Variants in THAP10 observed in about 807,000 individuals in gnomAD.
THAP10 encodes the protein THAP domain containing 10, also known as THAP domain-containing protein 10.
Under a neutral mutation model 15.7 loss-of-function variants are expected in THAP10, and 10 were observed. The ratio of observed to expected loss-of-function variants is 0.64; its 90% CI spans 0.39 to 1.08. The LOEUF (loss-of-function observed/expected upper bound fraction) is 1.08, where lower values mean the gene tolerates loss of function less well. Ranked by LOEUF, THAP10 falls within the 50% of genes least tolerant of loss-of-function variation. The probability of loss-of-function intolerance (pLI) is 0.01; values close to 1 mark genes in which losing one functional copy is unlikely to be tolerated. For missense variants in THAP10, 310 were observed against 330.9 expected, an observed-to-expected ratio of 0.94 and a Z score of 0.49; for synonymous variants, 127 against 129.1, an observed-to-expected ratio of 0.98 and a Z score of 0.11.
intron 1 of THAP10, among the ~76,000 whole-genome samples, chr15:70,886,712 A>G (rs2033416917): frequency 6.6e-6 from 1 of 152,126 alleles, no homozygotes; most frequent in South Asian, 2.1e-4. Flanking sequence ...CTAAAAATAC[A>G]AAAATTAGCT....
In THAP10 at chr15:70,882,491, G is replaced by T. The variant is rs2033287939; in HGVS notation, c.737C>A (p.Ser246Tyr). The change falls in exon 3 of 3, where the codon TCT (serine) becomes TAT (tyrosine). Residue 246 changes from serine to tyrosine, a missense_variant. Ser to Tyr is a moderately radical substitution (Grantham distance 144). Transcript: ENST00000249861. ...WDIKSEQSDL[S>Y]YMAVQVKEET... ...TTCTTTCACCTGTACAGCCATATAAGACAAATCACTCTGTTCACTCTTGAT... is the reference window on the plus strand; with the variant it reads ...TTCTTTCACCTGTACAGCCATATAATACAAATCACTCTGTTCACTCTTGAT... 1 of 1,613,568 alleles carries T rather than the reference G, an allele frequency of 6.2e-7. No individual in the cohort carries two copies. The highest frequency in any genetic ancestry group is 1.3e-5 in the African/African-American group (1 of 75,026).
At chr15:70,889,245 T>C (rs2033489090) in intron 1 of THAP10, among the ~76,000 whole-genome samples, 1 of 152,120 alleles carries the variant, frequency 6.6e-6, no homozygotes, top group African/African-American at 2.4e-5. Context: ...TACATAATAA[T>C]GAAAATGAAC....
rs1567034632 is a variant in THAP10, at chr15:70,882,560, A to AAG, written c.666_667dup (p.Phe223SerfsTer31). ...TTCTGAATCACTGGAGTAAATGTCA[A>AAG]AGAGAGAGGAAGTTCTAGACCACAA... On this transcript the variant is annotated frameshift_variant, in exon 3 of 3. Transcript: ENST00000249861. LOFTEE classifies it high-confidence loss of function. 6.2e-7 allele frequency: 1 copy of AAG among 1,613,926 alleles called. No individual in the cohort carries two copies. The highest frequency in any genetic ancestry group is 8.5e-7 in the Non-Finnish European group (1 of 1,179,840).
Position 70,882,508 on chromosome 15 carries a change from A to T in THAP10, c.720T>A (p.Ser240Arg), listed in dbSNP as rs1408508045. The T allele has an allele frequency of 6.2e-7, 1 of 1,613,770 alleles. No homozygotes were observed. Among genetic ancestry groups the T allele is most frequent in the South Asian group, 1.1e-5 (1 of 91,052 alleles). The change falls in exon 3 of 3, where the codon AGT becomes AGA. Residue 240 changes from serine to arginine, a missense_variant. Physicochemically the swap from Ser to Arg is moderately radical, Grantham distance 110. Transcript: ENST00000249861. Reference protein sequence around the residue: ...SETDTDWDIKSEQSDLSYMAV... With the variant: ...SETDTDWDIKREQSDLSYMAV... ...CCATATAAGACAAATCACTCTGTTCACTCTTGATATCCCAGTCTGTATCTG... is the reference window on the plus strand; with the variant it reads ...CCATATAAGACAAATCACTCTGTTCTCTCTTGATATCCCAGTCTGTATCTG...
At position 70,892,206 on chromosome 15, in the gene THAP10, A is replaced by G. The variant is rs2033609036; in HGVS notation, c.67T>C (p.Phe23Leu). Residue 23 changes from phenylalanine to leucine, a missense_variant, in exon 1 of 3, where the codon TTT (phenylalanine) becomes CTT (leucine). Transcript: ENST00000249861. ...AGCCGCACGGCCCGGTCCTTGGGAA[A>G]GCGGAACAGCGACTTCCCAGACTTG... ...TTKSGKSLFR[F>L]PKDRAVRLLW... The G allele has an allele frequency of 1.9e-6, 3 of 1,602,870 alleles. No homozygotes were observed. The highest frequency in any genetic ancestry group is 2.6e-6 in the Non-Finnish European group (3 of 1,174,526).
chr15:70,886,822 C>T (rs767997076), intron 1 of THAP10, among the ~76,000 whole-genome samples: 18 of 151,782 alleles, frequency 1.2e-4, no homozygotes, highest in African/African-American at 1.7e-4. Flanking sequence ...GCTGAGATTG[C>T]GCCACTGCAC....
intron 1 of THAP10, among the ~76,000 whole-genome samples, chr15:70,886,159 A>C (rs910944726): frequency 5.3e-5 from 8 of 152,212 alleles, no homozygotes; most frequent in Non-Finnish European, 1.2e-4. Flanking sequence ...TAAAACTTGT[A>C]AGATTCAGTA....
chr15:70,888,780 C>A (rs1361136051), intron 1 of THAP10, among the ~76,000 whole-genome samples: 2 of 152,076 alleles, frequency 1.3e-5, no homozygotes, highest in African/African-American at 4.8e-5. Flanking sequence ...GACAATCCAA[C>A]AGAAAAATGG....
In THAP10 at chr15:70,882,802, C is replaced by G; in HGVS notation, c.536G>C (p.Ser179Thr). 6.2e-7 allele frequency: 1 copy of G among 1,614,110 alleles called. No homozygotes were observed. The highest frequency in any genetic ancestry group is 8.5e-7 in the Non-Finnish European group (1 of 1,180,014). ...THCEEGPVHK[S>T]TQISLKRPRH... is the part of the protein sequence containing the mutation. ...GGGCCTTTTCAAAGAAATTTGTGTA[C>G]TTTTATGCACTGGGCCTTCTTCACA... The change falls in exon 2 of 3, where the codon AGT becomes ACT. Residue 179 changes from serine (S) to threonine (T), a missense_variant. Transcript: ENST00000249861.
Position 70,888,814 on chromosome 15 carries a change from C to A in THAP10, c.429+3030G>T, listed in dbSNP as rs565972958. ...GGGCTAGATTTAAAAGGGCATGTCA[C>A]TGAAGGCTACCTAAATATCCAATTA... On this transcript the variant is annotated intron_variant, in intron 1 of 2. Coordinates refer to ENST00000249861, the MANE Select transcript of THAP10 (RefSeq NM_020147.4). 5.3e-5 allele frequency among the ~76,000 whole-genome samples: 8 copies of A among 152,266 alleles called. No individual in the cohort carries two copies. In the South Asian group the frequency reaches 1.7e-3, roughly 32 times the overall value.
At position 70,882,801 on chromosome 15, in the gene THAP10, A is replaced by C. The variant is rs373711314; in HGVS notation, c.537T>G (p.Ser179Arg). 77 of 1,614,074 alleles carry C rather than the reference A, an allele frequency of 4.8e-5. No homozygotes were observed. The highest frequency in any genetic ancestry group is 6.4e-5 in the Non-Finnish European group (75 of 1,180,032). Residue 179 changes from serine (S) to arginine (R), a missense_variant, in exon 2 of 3, where the codon AGT becomes AGG. Coordinates refer to ENST00000249861, the MANE Select transcript of THAP10 (RefSeq NM_020147.4). ...THCEEGPVHK[S>R]TQISLKRPRH... Reference sequence around the variant, plus strand: ...GGGGCCTTTTCAAAGAAATTTGTGTACTTTTATGCACTGGGCCTTCTTCAC... The same window carrying C: ...GGGGCCTTTTCAAAGAAATTTGTGTCCTTTTATGCACTGGGCCTTCTTCAC...
chr15:70,883,406 C>T (rs2033319040), intron 1 of THAP10, among the ~76,000 whole-genome samples: 1 of 152,084 alleles, frequency 6.6e-6, no homozygotes, highest in African/African-American at 2.4e-5. Context: ...GTTAGCCAGG[C>T]TGGTCTCGAA....
Position 70,892,210 on chromosome 15 carries a change from G to C in THAP10, c.63C>G (p.Phe21Leu), listed in dbSNP as rs1174328890. 4 of 1,602,242 alleles carry C rather than the reference G, an allele frequency of 2.5e-6. No homozygotes were observed. In the Admixed American group the frequency reaches 6.8e-5, roughly 27 times the overall value. ...GCACGGCCCGGTCCTTGGGAAAGCG[G>C]AACAGCGACTTCCCAGACTTGGTGG... is the stretch of plus-strand genomic sequence containing the variant. The part of the protein sequence containing the change: ...GNTTKSGKSL[F>L]RFPKDRAVRL... The change falls in exon 1 of 3, where the codon TTC becomes TTG. Residue 21 changes from phenylalanine (F) to leucine (L), a missense_variant. By Grantham distance (22) the Phe-to-Leu change is conservative (BLOSUM62 0). Coordinates refer to ENST00000249861, the MANE Select transcript of THAP10 (RefSeq NM_020147.4).
At chr15:70,888,213 C>T (rs751439074) in intron 1 of THAP10, among the ~76,000 whole-genome samples, 2 of 151,908 alleles carry the variant, frequency 1.3e-5, no homozygotes, top group African/African-American at 2.4e-5. Flanking sequence ...TCTAAAGAGC[C>T]CAACATAGTC....
Position 70,892,080 on chromosome 15 carries a change from C to G in THAP10, c.193G>C (p.Val65Leu). The change falls in exon 1 of 3, where the codon GTC becomes CTC. Residue 65 changes from valine to leucine, a missense_variant. Val to Leu is a conservative substitution (Grantham distance 32). Coordinates refer to ENST00000249861, the MANE Select transcript of THAP10 (RefSeq NM_020147.4). Reference protein sequence around the residue: ...SDHFAPACFDVSSVIQKNLRF... With the variant: ...SDHFAPACFDLSSVIQKNLRF... ...AGGTTCTTCTGGATAACCGAAGAGACGTCAAAACAGGCTGGGGCAAAGTGG... is the reference window on the plus strand; with the variant it reads ...AGGTTCTTCTGGATAACCGAAGAGAGGTCAAAACAGGCTGGGGCAAAGTGG... 6.2e-7 allele frequency: 1 copy of G among 1,613,940 alleles called. No individual in the cohort carries two copies. The highest frequency in any genetic ancestry group is 8.5e-7 in the Non-Finnish European group (1 of 1,179,940).
chr15:70,891,211 G>A (rs908546092), intron 1 of THAP10, among the ~76,000 whole-genome samples: 2 of 152,206 alleles, frequency 1.3e-5, no homozygotes, highest in African/African-American at 4.8e-5. Context: ...GATGCAAAAT[G>A]AGTGCAAACA....
At chr15:70,882,953 T>C (rs1284493812) in intron 1 of THAP10, 45 bp from the exon 2 acceptor site, 2 of 1,598,390 alleles carry the variant, frequency 1.3e-6, no homozygotes, top group East Asian at 2.2e-5. Flanking sequence ...GTGTACCTTA[T>C]AGGATTTTAT....
intron 1 of THAP10, among the ~76,000 whole-genome samples, chr15:70,891,550 CT>C (rs1383829726): frequency 2.7e-5 from 4 of 148,828 alleles, no homozygotes; most frequent in African/African-American, 9.9e-5. Flanking sequence ...CAACTCACTA[CT>C]CTGCAGGACA....
In THAP10 at chr15:70,884,619, G is replaced by C. The variant is rs548414085; in HGVS notation, c.430-1711C>G. 1.1e-4 allele frequency among the ~76,000 whole-genome samples: 16 copies of C among 151,584 alleles called. 1 individual carries two copies. In the South Asian group the frequency reaches 3.3e-3, roughly 32 times the overall value. Reference sequence around the variant, plus strand: ...TTTGTAACACAAATCTTATTTAAAGGGTTTATCTCCACGTTTATTAAATCA... The same window carrying C: ...TTTGTAACACAAATCTTATTTAAAGCGTTTATCTCCACGTTTATTAAATCA... On this transcript the variant is annotated intron_variant, in intron 1 of 2. Coordinates refer to ENST00000249861, the MANE Select transcript of THAP10 (RefSeq NM_020147.4).
Sources: gnomAD v4.1 joint callset for allele counts (sites outside exome capture counted in the v4.1 genomes callset) on GRCh38, gnomAD v4.1.1 for gene constraint, MANE v1.5 for transcripts, NCBI Gene and HGNC (gene_info 2026-07-23, HGNC 2026-07-21) for gene names.